Variants in DNAJC1 observed in about 807,000 individuals in gnomAD.
DNAJC1 encodes dnaJ homolog subfamily C member 1.
Under a neutral mutation model 76.6 loss-of-function variants are expected in DNAJC1, and 58 were observed. The observed-to-expected ratio is 0.76, with a 90% CI of 0.61 to 0.94. The LOEUF (loss-of-function observed/expected upper bound fraction) is 0.94, where lower values mean the gene tolerates loss of function less well. DNAJC1 is among the 40% of genes least tolerant of loss of function. The pLI, the probability that DNAJC1 is intolerant of heterozygous loss-of-function variation, is 0.00. For missense variants in DNAJC1, 689 were observed against 677.3 expected (o/e 1.02, Z -0.19); for synonymous variants, 258 against 267.9 (o/e 0.96, Z 0.36).
intron 7 of DNAJC1, among the ~76,000 whole-genome samples, chr10:21,883,652 T>C (rs1396085092): frequency 2.0e-5 from 3 of 152,198 alleles, no homozygotes; most frequent in Non-Finnish European, 4.4e-5. Context: ...CATTAGCTTA[T>C]AGTTGGGCAA....
intron 8 of DNAJC1, among the ~76,000 whole-genome samples, chr10:21,854,783 G>T (rs968167199): frequency 6.6e-6 from 1 of 152,086 alleles, no homozygotes; most frequent in Non-Finnish European, 1.5e-5. Flanking sequence ...CTACTTTAAA[G>T]ACTTAATTAT....
chr10:21,784,559 C>G (rs1312343776), intron 9 of DNAJC1, among the ~76,000 whole-genome samples: 1 of 152,074 alleles, frequency 6.6e-6, no homozygotes, highest in Non-Finnish European at 1.5e-5. Flanking sequence ...GGTATGTACC[C>G]AAAGGATTAT....
At chr10:21,790,617 C>T (rs1834672744) in intron 9 of DNAJC1, among the ~76,000 whole-genome samples, 1 of 151,866 alleles carries the variant, frequency 6.6e-6, no homozygotes, top group Non-Finnish European at 1.5e-5. Flanking sequence ...AATTCATCAC[C>T]ACTACATTGG....
At chr10:22,000,328 C>T (rs1474078406) in intron 1 of DNAJC1, among the ~76,000 whole-genome samples, 1 of 152,154 alleles carries the variant, frequency 6.6e-6, no homozygotes, top group African/African-American at 2.4e-5. Flanking sequence ...AAATTCAAGT[C>T]AAATCATGTA....
chr10:21,920,954 A>C lies in DNAJC1; in HGVS notation c.381T>G (p.Asp127Glu). ...KDDERRQRYDDILINGLPDWR... is the reference protein window; with the variant it reads ...KDDERRQRYDEILINGLPDWR... ...AATCTGGAAGTCCATTGATCAGAAT[A>C]TCATCATACCTACAGTACAAATATA... The change falls in exon 4 of 12, where the codon GAT becomes GAG. Residue 127 changes from aspartate to glutamate, a missense_variant. Coordinates refer to ENST00000376980, the MANE Select transcript of DNAJC1 (RefSeq NM_022365.4). The C allele has an allele frequency of 6.2e-7, 1 of 1,608,756 alleles. No individual in the cohort carries two copies. Among genetic ancestry groups the C allele is most frequent in the Non-Finnish European group, 8.5e-7 (1 of 1,177,122 alleles).
chr10:21,945,080 T>C (rs188176669), intron 1 of DNAJC1, among the ~76,000 whole-genome samples: 2 of 152,180 alleles, frequency 1.3e-5, no homozygotes, highest in Non-Finnish European at 2.9e-5. Flanking sequence ...CATTGGTATA[T>C]GAAGAAAAGT....
intron 8 of DNAJC1, among the ~76,000 whole-genome samples, chr10:21,835,956 A>G (rs979128620): frequency 5.3e-5 from 8 of 152,172 alleles, no homozygotes; most frequent in Non-Finnish European, 1.2e-4. Context: ...CCACCATTCA[A>G]ATTCAGGAAA....
intron 7 of DNAJC1, among the ~76,000 whole-genome samples, chr10:21,890,348 G>C (rs1836441651): frequency 6.6e-6 from 1 of 151,268 alleles, no homozygotes; most frequent in African/African-American, 2.4e-5. Flanking sequence ...GCGAGGCAGA[G>C]GTTGCAGTGA....
intron 9 of DNAJC1, among the ~76,000 whole-genome samples, chr10:21,788,737 C>G (rs59352955): frequency 6.6e-6 from 1 of 152,168 alleles, no homozygotes; most frequent in Admixed American, 6.5e-5. Flanking sequence ...TGAGTTGTCA[C>G]TGAGCCCTAC....
At chr10:21,892,481 TAAA>T (rs201067011) in intron 7 of DNAJC1, among the ~76,000 whole-genome samples, 1 of 150,272 alleles carries the variant, frequency 6.7e-6, no homozygotes, top group African/African-American at 2.4e-5. Context: ...TAATAGAAAA[TAAA>T]AAATAAAATG....
rs1834216744 is a variant in DNAJC1, at chr10:21,759,519, T to TC, written c.1246dup (p.Asp416GlyfsTer17). 1.2e-5 allele frequency: 20 copies of TC among 1,614,038 alleles called. No homozygotes were observed. The highest frequency in any genetic ancestry group is 1.7e-5 in the Non-Finnish European group (20 of 1,180,026). ...CTCCTCCGCTGCCACCCCCTCTGCG[T>TC]CCTCTCGCTGGGTGATCATGTCATC... On this transcript the variant is annotated frameshift_variant, in exon 11 of 12. Transcript: ENST00000376980. LOFTEE classifies it high-confidence loss of function.
In DNAJC1 at chr10:21,865,408, T is replaced by C. The variant is rs1470222443; in HGVS notation, c.978+16874A>G. ...CTTAGCACAAAAAAAGGCAAGCCAC[T>C]GATACATGAACAAACATGAATAAAT... On this transcript the variant is annotated intron_variant, in intron 8 of 11. Coordinates refer to ENST00000376980, the MANE Select transcript of DNAJC1 (RefSeq NM_022365.4). 2.0e-5 allele frequency: 3 copies of C among 152,144 alleles called. No homozygotes were observed. In the East Asian group the frequency reaches 5.8e-4, roughly 29 times the overall value. 9.4% of individuals were successfully genotyped at this position (152,144 alleles called of 1,614,324 possible).
chr10:21,902,287 T>G (rs1197023870), intron 7 of DNAJC1, among the ~76,000 whole-genome samples: 3 of 152,214 alleles, frequency 2.0e-5, no homozygotes, highest in Non-Finnish European at 4.4e-5. Context: ...TTTTAGTTTG[T>G]GATTTTTACA....
intron 8 of DNAJC1, among the ~76,000 whole-genome samples, chr10:21,814,375 A>G (rs1835040799): frequency 6.6e-6 from 1 of 152,204 alleles, no homozygotes; most frequent in African/African-American, 2.4e-5. Context: ...AGTACTAAGT[A>G]ACAGTACTAA....
At chr10:21,879,075 C>A (rs970027590) in intron 8 of DNAJC1, among the ~76,000 whole-genome samples, 1 of 152,082 alleles carries the variant, frequency 6.6e-6, no homozygotes, top group Admixed American at 6.6e-5. Flanking sequence ...AAAACTACTC[C>A]GAAGTCAGGA....
intron 3 of DNAJC1, among the ~76,000 whole-genome samples, chr10:21,925,833 A>G (rs1837118146): frequency 6.6e-6 from 1 of 152,214 alleles, no homozygotes; most frequent in Admixed American, 6.5e-5. Flanking sequence ...AATGATGTAA[A>G]TGTTCTAAAA....
rs779370823 is a variant in DNAJC1, at chr10:21,953,821, TAAAAAAA to T, written c.223-24687_223-24681del. On this transcript the variant is annotated intron_variant, in intron 1 of 11. Coordinates refer to ENST00000376980, the MANE Select transcript of DNAJC1 (RefSeq NM_022365.4). ...GTGGTAAAAAACTAAAACTGAACTT[TAAAAAAA>T]AAAAAAAAAAAAAAAAAGAAGAGGA... 1.5e-3 allele frequency among the ~76,000 whole-genome samples: 129 copies of T among 84,938 alleles called. 2 individuals carry two copies. Among genetic ancestry groups the T allele is most frequent in the Admixed American group, 5.6e-3 (41 of 7,340 alleles). The allele number at this position is 84,938 out of a possible 152,430, so 55.7% of individuals were successfully genotyped here. A position where few individuals can be genotyped will look rare whatever the true frequency, so the allele number is the denominator to read the frequency against.
intron 9 of DNAJC1, among the ~76,000 whole-genome samples, chr10:21,773,689 C>T (rs1251277016): frequency 6.6e-6 from 1 of 152,086 alleles, no homozygotes; most frequent in African/African-American, 2.4e-5. Context: ...TCTCTTCCTT[C>T]AATTCTGTCA....
intron 1 of DNAJC1, among the ~76,000 whole-genome samples, chr10:21,929,976 T>G (rs954285982): frequency 2.6e-5 from 4 of 152,116 alleles, no homozygotes; most frequent in African/African-American, 9.7e-5. Context: ...CACTGTCAAG[T>G]AGGGTTTAAA....
Sources: allele counts gnomAD v4.1 joint callset (sites outside exome capture counted in the v4.1 genomes callset), GRCh38; gene constraint gnomAD v4.1.1; transcripts MANE v1.5; gene names NCBI Gene and HGNC (gene_info 2026-07-23, HGNC 2026-07-21).